MAOB: variants seen among roughly 807,000 people sequenced by gnomAD.
MAOB encodes amine oxidase [flavin-containing] B.
A neutral mutation model predicts 41.9 loss-of-function variants in MAOB; 15 were observed. That is an observed-to-expected ratio of 0.36 (90% CI 0.24 to 0.55). MAOB has a LOEUF of 0.55. Among genes scored for constraint, MAOB ranks in the 20% least tolerant of loss-of-function variants. The probability of loss-of-function intolerance (pLI) is 0.86; values close to 1 mark genes in which losing one functional copy is unlikely to be tolerated. For synonymous variants in MAOB, 167 were observed against 144.2 expected (o/e 1.16, Z -1.13); for missense variants, 345 against 398.7 (o/e 0.87, Z 1.15).
chrX:43,803,358 G>A lies in MAOB; in HGVS notation c.326C>T (p.Pro109Leu), dbSNP rs149395667. Reference protein sequence around the residue: ...FRGPFPPVWNPITYLDHNNFW... With the variant: ...FRGPFPPVWNLITYLDHNNFW... ...GTTGTTATGATCTAAGTAGGTAATT[G>A]GATTCCATACAGGTGGGAATGGCCC... The change falls in exon 4 of 15, where the codon CCA becomes CTA. Residue 109 changes from proline (P) to leucine (L), a missense_variant. Physicochemically the swap from Pro to Leu is moderately conservative, Grantham distance 98. Transcript: ENST00000378069. The A allele has an allele frequency of 4.6e-4, 541 of 1,169,067 alleles. No homozygotes were observed. The highest frequency in any genetic ancestry group is 5.7e-4 in the Non-Finnish European group (506 of 880,254).
chrX:43,852,712 T>C (rs1439661715), intron 1 of MAOB, among the ~76,000 whole-genome samples: 9 of 112,178 alleles, frequency 8.0e-5, no homozygotes, highest in Non-Finnish European at 1.7e-4. Context: ...AATTTCTTAG[T>C]CTTTAATAAC....
chrX:43,782,599 C>T (rs1470212963), intron 8 of MAOB, among the ~76,000 whole-genome samples: 1 of 111,654 alleles, frequency 9.0e-6, no homozygotes, highest in African/African-American at 3.3e-5. Context: ...TGAAACTATT[C>T]CAAGCAATAG....
chrX:43,869,023 A>T (rs1381888127), intron 1 of MAOB, among the ~76,000 whole-genome samples: 1 of 111,498 alleles, frequency 9.0e-6, no homozygotes, highest in Non-Finnish European at 1.9e-5. Flanking sequence ...TTTCGGGTAG[A>T]TAGTAAATAT....
chrX:43,836,248 G>A (rs1027342793), intron 3 of MAOB, among the ~76,000 whole-genome samples: 6 of 111,688 alleles, frequency 5.4e-5, no homozygotes, highest in African/African-American at 2.0e-4. Flanking sequence ...TAATAATTCC[G>A]GAAATGAATG....
At chrX:43,767,720 C>T (rs2034129428) in intron 14 of MAOB, 102 bp from the exon 15 acceptor site, 4 of 726,616 alleles carry the variant, frequency 5.5e-6, no homozygotes, top group Admixed American at 3.2e-5. Flanking sequence ...TTCTTGCCAA[C>T]GTCTAGACCA....
chrX:43,831,567 G>A (rs751595214), intron 3 of MAOB, among the ~76,000 whole-genome samples: 16 of 109,998 alleles, frequency 1.5e-4, no homozygotes, highest in Non-Finnish European at 2.8e-4. Context: ...AGAGAGGGAG[G>A]AAGGAAACAA....
chrX:43,873,774 T>C (rs750364203), intron 1 of MAOB, among the ~76,000 whole-genome samples: 1 of 111,678 alleles, frequency 9.0e-6, no homozygotes, highest in South Asian at 3.8e-4. Context: ...CCTCCCTGGT[T>C]CAAGCGATTC....
chrX:43,872,162 A>G (rs963144771), intron 1 of MAOB, among the ~76,000 whole-genome samples: 6 of 112,300 alleles, frequency 5.3e-5, no homozygotes, highest in African/African-American at 1.9e-4. Flanking sequence ...CAATAAATTT[A>G]AAAGTACTAT....
chrX:43,851,839 A>C (rs757690398), intron 1 of MAOB, among the ~76,000 whole-genome samples: 58 of 111,981 alleles, frequency 5.2e-4, no homozygotes, highest in African/African-American at 1.8e-3. Flanking sequence ...GTGTGATGTA[A>C]TCAGTGATTG....
chrX:43,842,622 C>A (rs1443052725), intron 2 of MAOB, among the ~76,000 whole-genome samples: 1 of 112,352 alleles, frequency 8.9e-6, no homozygotes, highest in Non-Finnish European at 1.9e-5. Flanking sequence ...TATCTGCACA[C>A]CCATGTTCAT....
intron 8 of MAOB, among the ~76,000 whole-genome samples, chrX:43,782,363 C>A (rs895645025): frequency 3.6e-5 from 4 of 111,733 alleles, no homozygotes; most frequent in African/African-American, 1.3e-4. Flanking sequence ...CTATAAACAC[C>A]TCTAGGCAAA....
intron 1 of MAOB, among the ~76,000 whole-genome samples, chrX:43,846,560 G>T (rs1375147197): frequency 9.1e-6 from 1 of 109,725 alleles, no homozygotes; most frequent in Admixed American, 9.7e-5. Context: ...AAATTGATCT[G>T]AAAAAAAAAT....
intron 1 of MAOB, among the ~76,000 whole-genome samples, chrX:43,849,675 T>G (rs539785835): frequency 8.9e-6 from 1 of 112,835 alleles, no homozygotes; most frequent in Admixed American, 9.3e-5. Flanking sequence ...CTCAGAAAAC[T>G]TTTATTTCCT....
At chrX:43,882,193 C>T in intron 1 of MAOB, 61 bp downstream of exon 1, 2 of 1,193,648 alleles carry the variant, frequency 1.7e-6, no homozygotes, top group Middle Eastern at 2.3e-4. Context: ...CCCGCGTCTC[C>T]CCCAGGCAGC....
chrX:43,804,448 C>A (rs1485355955), intron 3 of MAOB, among the ~76,000 whole-genome samples: 3 of 106,949 alleles, frequency 2.8e-5, no homozygotes, highest in Non-Finnish European at 5.8e-5. Context: ...ACAGAACCAA[C>A]AGGAGAAAGA....
At chrX:43,794,108 C>T (rs1034280174) in intron 7 of MAOB, among the ~76,000 whole-genome samples, 5 of 111,847 alleles carry the variant, frequency 4.5e-5, no homozygotes, top group Non-Finnish European at 7.5e-5. Flanking sequence ...ATCTTTCGAC[C>T]TTGTGATCTG....
intron 8 of MAOB, among the ~76,000 whole-genome samples, chrX:43,791,824 A>G (rs1164381061): frequency 8.9e-6 from 1 of 112,515 alleles, no homozygotes; most frequent in Non-Finnish European, 1.9e-5. Flanking sequence ...CTATATTTCA[A>G]GTGTTCAGTA....
rs2283730 is a variant in MAOB, at chrX:43,862,464, G to T, written c.47-18700C>A. ...TATAGAGATTTGGGAGTCATCTTAG[G>T]AAAAGTGAGTTTTGAATCCACTGAG... On this transcript the variant is annotated intron_variant, in intron 1 of 14. Transcript: ENST00000378069. 0.014 allele frequency among the ~76,000 whole-genome samples: 1,564 copies of T among 112,367 alleles called. 44 individuals are homozygous for T. The South Asian group carries it at 0.16, about 12-fold the overall frequency.
intron 1 of MAOB, among the ~76,000 whole-genome samples, chrX:43,876,909 T>C (rs1218017370): frequency 1.8e-5 from 2 of 111,696 alleles, no homozygotes; most frequent in Admixed American, 9.5e-5. Context: ...AGCCCAAAGT[T>C]TGACAGTGAG....
Sources: gnomAD v4.1 joint callset for allele counts (sites outside exome capture counted in the v4.1 genomes callset) on GRCh38, gnomAD v4.1.1 for gene constraint, MANE v1.5 for transcripts, NCBI Gene and HGNC (gene_info 2026-07-23, HGNC 2026-07-21) for gene names.